FBXL13: variants seen among roughly 807,000 people sequenced by gnomAD.
The protein encoded by FBXL13 is F-box and leucine-rich repeat protein 13.
Under a neutral mutation model 83.6 loss-of-function variants are expected in FBXL13, and 67 were observed. The observed-to-expected ratio is 0.80, with a 90% confidence interval of 0.66 to 0.98. FBXL13 has a LOEUF of 0.98. Among genes scored for constraint, FBXL13 ranks in the 50% least tolerant of loss-of-function variants. The probability of loss-of-function intolerance (pLI) is 0.00; values close to 1 mark genes in which losing one functional copy is unlikely to be tolerated. For missense variants in FBXL13, 822 were observed against 866.5 expected, an observed-to-expected ratio of 0.95 and a Z score of 0.64; for synonymous variants, 272 against 299.5, an observed-to-expected ratio of 0.91 and a Z score of 0.95.
intron 16 of FBXL13, among the ~76,000 whole-genome samples, chr7:102,874,752 A>G (rs879852962): frequency 9.2e-5 from 14 of 152,212 alleles, no homozygotes; most frequent in Non-Finnish European, 1.8e-4. Flanking sequence ...TGTTTTGTAG[A>G]GATGGGGTTT....
At chr7:102,828,996 G>A (rs1204191832) in intron 18 of FBXL13, among the ~76,000 whole-genome samples, 1 of 152,188 alleles carries the variant, frequency 6.6e-6, no homozygotes, top group African/African-American at 2.4e-5. Context: ...AACATCCTGA[G>A]ACTGAGGATA....
intron 9 of FBXL13, among the ~76,000 whole-genome samples, chr7:102,927,167 T>A (rs1286627330): frequency 6.6e-6 from 1 of 152,234 alleles, no homozygotes. Context: ...TGCAACAAGC[T>A]GCTTTTTGTA....
At chr7:102,955,563 C>T (rs545470741) in intron 8 of FBXL13, among the ~76,000 whole-genome samples, 4 of 144,190 alleles carry the variant, frequency 2.8e-5, no homozygotes, top group African/African-American at 5.0e-5. Flanking sequence ...GATAGAGACA[C>T]AAAAAACCAT....
chr7:102,858,634 G>A (rs1806373606), intron 16 of FBXL13, among the ~76,000 whole-genome samples: 1 of 152,156 alleles, frequency 6.6e-6, no homozygotes, highest in Admixed American at 6.6e-5. Flanking sequence ...AAAATGTTAG[G>A]TCCATACAAT....
At chr7:102,912,625 A>G (rs1814900995) in intron 11 of FBXL13, among the ~76,000 whole-genome samples, 2 of 143,604 alleles carry the variant, frequency 1.4e-5, no homozygotes, top group African/African-American at 5.1e-5. Context: ...TTAAATTATG[A>G]GTTTTTGTTG....
At chr7:103,042,934 C>G (rs1056777443) in intron 2 of FBXL13, among the ~76,000 whole-genome samples, 44 of 152,176 alleles carry the variant, frequency 2.9e-4, no homozygotes, top group Middle Eastern at 6.8e-3. Context: ...ATTAAAACAC[C>G]AAAAGCAATG....
At chr7:102,919,427 A>G (rs937703822) in intron 10 of FBXL13, among the ~76,000 whole-genome samples, 1 of 152,260 alleles carries the variant, frequency 6.6e-6, no homozygotes, top group Non-Finnish European at 1.5e-5. Flanking sequence ...TGAAGCATTA[A>G]GAATAAAAAT....
rs1563030177 is a variant in FBXL13 at position 102,877,523 on chromosome 7, C to T, written c.1579G>A (p.Val527Ile). 1 of 1,610,854 alleles carries T rather than the reference C, an allele frequency of 6.2e-7. No individual in the cohort carries two copies. Among genetic ancestry groups the T allele is most frequent in the East Asian group, 2.2e-5 (1 of 44,652 alleles). ...ATTGATACCAAGGAAAAGATGTTTA[C>T]AATATATCCAATTCCTTGGGCAGTC... Residue 527 changes from valine (V) to isoleucine (I), a missense_variant, in exon 16 of 20, where the codon GTA (valine) becomes ATA (isoleucine). Physicochemically the swap from Val to Ile is conservative, Grantham distance 29. Transcript: ENST00000313221.
intron 6 of FBXL13, among the ~76,000 whole-genome samples, chr7:103,024,428 G>A (rs1185367517): frequency 6.6e-6 from 1 of 150,744 alleles, no homozygotes; most frequent in East Asian, 2.0e-4. Context: ...CCTGGAGGCT[G>A]AGGCTGGAGA....
At chr7:102,894,867 G>A (rs763379501) in intron 11 of FBXL13, among the ~76,000 whole-genome samples, 2 of 152,032 alleles carry the variant, frequency 1.3e-5, no homozygotes, top group Non-Finnish European at 2.9e-5. Flanking sequence ...ATCAAGCCTT[G>A]CTCTAGCAAG....
At chr7:103,025,788 A>T (rs1322929977) in intron 5 of FBXL13, among the ~76,000 whole-genome samples, 1 of 152,074 alleles carries the variant, frequency 6.6e-6, no homozygotes, top group African/African-American at 2.4e-5. Context: ...GTATGTATGT[A>T]TGTGTCTGTG....
chr7:102,859,149 A>G (rs1311240031), intron 16 of FBXL13, among the ~76,000 whole-genome samples: 1 of 152,248 alleles, frequency 6.6e-6, no homozygotes, highest in Non-Finnish European at 1.5e-5. Flanking sequence ...GCAACTTCAG[A>G]CCCTGATGAC....
At chr7:103,061,305 C>A (rs751683699) in intron 1 of FBXL13, among the ~76,000 whole-genome samples, 2 of 152,098 alleles carry the variant, frequency 1.3e-5, no homozygotes, top group Non-Finnish European at 2.9e-5. Flanking sequence ...CTGATACCTG[C>A]CGGACTGGGC....
exon 16 of FBXL13, chr7:102,877,495 T>G (rs1320683569): frequency 6.2e-7 from 1 of 1,609,962 alleles, no homozygotes; most frequent in Admixed American, 1.7e-5. Flanking sequence ...TCCAGAGAGA[T>G]CTATTGATAC....
At chr7:102,943,624 C>T (rs1821899533) in intron 8 of FBXL13, among the ~76,000 whole-genome samples, 1 of 152,140 alleles carries the variant, frequency 6.6e-6, no homozygotes, top group East Asian at 1.9e-4. Context: ...CAAAGACTCT[C>T]GCCACTATGT....
intron 2 of FBXL13, among the ~76,000 whole-genome samples, chr7:103,044,820 T>C (rs1796107129): frequency 6.6e-6 from 1 of 152,264 alleles, no homozygotes; most frequent in African/African-American, 2.4e-5. Flanking sequence ...TTCTTTCATC[T>C]TGGAATGCTT....
chr7:103,064,068 C>A (rs1798167266), intron 1 of FBXL13, among the ~76,000 whole-genome samples: 1 of 152,198 alleles, frequency 6.6e-6, no homozygotes, highest in Non-Finnish European at 1.5e-5. Context: ...GTGGAATCCA[C>A]TTCATGCTAA....
intron 8 of FBXL13, among the ~76,000 whole-genome samples, chr7:102,962,705 C>G (rs2129479360): frequency 6.6e-6 from 1 of 151,850 alleles, no homozygotes; most frequent in Middle Eastern, 3.4e-3. Context: ...AATTGGAAAT[C>G]ATCATTCTCA....
intron 17 of FBXL13, among the ~76,000 whole-genome samples, chr7:102,844,938 G>C (rs1803660178): frequency 6.6e-6 from 1 of 152,158 alleles, no homozygotes; most frequent in Admixed American, 6.5e-5. Flanking sequence ...GGATACCAAT[G>C]AACAGCCAGA....
Sources: allele counts gnomAD v4.1 joint callset (sites outside exome capture counted in the v4.1 genomes callset), GRCh38; gene constraint gnomAD v4.1.1; transcripts MANE v1.5; gene names NCBI Gene and HGNC (gene_info 2026-07-23, HGNC 2026-07-21).